The following ZNF713 variants were observed in gnomAD, a reference collection of about 807,000 sequenced individuals.
ZNF713 encodes the protein zinc finger protein 713.
A neutral mutation model predicts 28.7 loss-of-function variants in ZNF713; 21 were observed. The ratio of observed to expected loss-of-function variants is 0.73; its 90% confidence interval spans 0.52 to 1.05. ZNF713 has a LOEUF of 1.05. Among genes scored for constraint, ZNF713 ranks in the 50% least tolerant of loss-of-function variants. The pLI, the probability that ZNF713 is intolerant of heterozygous loss-of-function variation, is 0.00. For missense variants in ZNF713, 458 were observed against 532.4 expected (o/e 0.86, Z 1.37); for synonymous variants, 167 against 178.0 (o/e 0.94, Z 0.49).
intron 6 of ZNF713, among the ~76,000 whole-genome samples, chr7:55,932,243 T>C (rs1356955500): frequency 1.3e-5 from 2 of 152,080 alleles, no homozygotes. Context: ...TCTTAAAAAT[T>C]TGTGGCCAGG....
intron 4 of ZNF713, among the ~76,000 whole-genome samples, chr7:55,919,490 G>GTTCTTTTTTTTTCTTTTT (rs1785945208): frequency 1.5e-5 from 1 of 66,760 alleles, no homozygotes; most frequent in Non-Finnish European, 3.1e-5. Flanking sequence ...AAACACTCCA[G>GTTCTTTTTTTTTCTTTTT]TTTTTTTTTT....
intron 1 of ZNF713, 123 bp downstream of exon 1, chr7:55,887,803 G>C (rs1234556363): frequency 0.64 from 4,696 of 7,388 alleles, 1,567 homozygotes; most frequent in Non-Finnish European, 0.69. Flanking sequence ...GCGGAGGCGG[G>C]GGGCGGCGGG....
At chr7:55,907,768 T>C (rs1785708422) in intron 2 of ZNF713, among the ~76,000 whole-genome samples, 1 of 152,204 alleles carries the variant, frequency 6.6e-6, no homozygotes, top group Non-Finnish European at 1.5e-5. Context: ...GCTCCATCCA[T>C]GTTGCTGCAA....
At chr7:55,912,442 C>G (rs1785801032) in intron 3 of ZNF713, among the ~76,000 whole-genome samples, 193 bp from the exon 4 acceptor site, 1 of 152,166 alleles carries the variant, frequency 6.6e-6, no homozygotes, top group African/African-American at 2.4e-5. Flanking sequence ...AGTTGCACCC[C>G]CGAAGACAGA....
rs1427625353 is a variant in ZNF713 at position 55,887,650 on chromosome 7, G to C, written c.-613G>C. 5.8e-6 allele frequency: 1 copy of C among 173,352 alleles called. No individual in the cohort carries two copies. The highest frequency in any genetic ancestry group is 1.1e-5 in the Non-Finnish European group (1 of 87,898). 10.7% of individuals were successfully genotyped at this position (173,352 alleles called of 1,614,324 possible). On this transcript the variant is annotated 5_prime_UTR_variant, in exon 1 of 7. Transcript: ENST00000429591. ...GCGGCGGCGGCGGCGTCAGGGGGCGGAGCCTGCCGAAGCGCCCTTTGTCTG... is the reference window on the plus strand; with the variant it reads ...GCGGCGGCGGCGGCGTCAGGGGGCGCAGCCTGCCGAAGCGCCCTTTGTCTG...
At chr7:55,919,950 G>A (rs1164438367) in intron 4 of ZNF713, among the ~76,000 whole-genome samples, 1 of 152,048 alleles carries the variant, frequency 6.6e-6, no homozygotes, top group East Asian at 1.9e-4. Flanking sequence ...GCTATGAACA[G>A]CACTCATGTA....
At chr7:55,921,390 C>T (rs562194327) in intron 4 of ZNF713, among the ~76,000 whole-genome samples, 1 of 152,272 alleles carries the variant, frequency 6.6e-6, no homozygotes, top group South Asian at 2.1e-4. Context: ...GCTCTAGCTG[C>T]CGTAGATAGT....
At chr7:55,910,954 C>T (rs1454874825) in intron 2 of ZNF713, among the ~76,000 whole-genome samples, 1 of 152,220 alleles carries the variant, frequency 6.6e-6, no homozygotes, top group Non-Finnish European at 1.5e-5. Flanking sequence ...GGGAAAAACC[C>T]GTCTGCTTCT....
intron 6 of ZNF713, among the ~76,000 whole-genome samples, chr7:55,930,904 C>T (rs1786197124): frequency 6.6e-6 from 1 of 152,098 alleles, no homozygotes; most frequent in South Asian, 2.1e-4. Context: ...GTCAACCTTG[C>T]CAAAGCAATA....
At chr7:55,914,026 A>AC (rs1489563521) in intron 4 of ZNF713, among the ~76,000 whole-genome samples, 2 of 151,224 alleles carry the variant, frequency 1.3e-5, no homozygotes, top group African/African-American at 4.9e-5. Flanking sequence ...CAGGAGAACC[A>AC]CTTGAACCTG....
At position 55,892,555 on chromosome 7, in the gene ZNF713, C is replaced by CG. The variant is rs574054003; in HGVS notation, c.-583+4875_-583+4876insG. Among the ~76,000 whole-genome samples the CG allele has an allele frequency of 5.0e-4, 37 of 74,362 alleles. 1 individual carries two copies. Among genetic ancestry groups the CG allele is most frequent in the Non-Finnish European group, 8.1e-4 (35 of 43,414 alleles). The allele number at this position is 74,362 out of a possible 152,430, so 48.8% of individuals were successfully genotyped here. A position where few individuals can be genotyped will look rare whatever the true frequency, so the allele number is the denominator to read the frequency against. On this transcript the variant is annotated intron_variant, in intron 1 of 6. Transcript: ENST00000429591. ...TGAAGGTTTGCTGAAAAGCACTGACCAAAAAAAAAAAAAAAAAAAAAAACA... is the reference window on the plus strand; with the variant it reads ...TGAAGGTTTGCTGAAAAGCACTGACCGAAAAAAAAAAAAAAAAAAAAAAACA...
At chr7:55,897,760 A>G (rs963175740) in intron 1 of ZNF713, among the ~76,000 whole-genome samples, 6 of 152,340 alleles carry the variant, frequency 3.9e-5, no homozygotes, top group Middle Eastern at 3.4e-3. Context: ...ATTACCATTA[A>G]TGAGACATAT....
In ZNF713 at chr7:55,912,718, T is replaced by A; in HGVS notation, c.82T>A (p.Ser28Thr). Residue 28 changes from serine (S) to threonine (T), a missense_variant, in exon 4 of 7, where the codon TCT becomes ACT. Coordinates refer to ENST00000429591, the MANE Select transcript of ZNF713 (RefSeq NM_182633.3). The stretch of plus-strand genomic sequence containing the variant: ...GAATGATGGCTCACAGATGGTGAGA[T>A]CTCAGGTAAGTTCAGTTTTCCTCTC... ...EMNDGSQMVR[S>T]QESLTFQDVA... The A allele has an allele frequency of 6.2e-7, 1 of 1,612,934 alleles. No individual in the cohort carries two copies. The highest frequency in any genetic ancestry group is 2.2e-5 in the East Asian group (1 of 44,878).
At chr7:55,908,244 G>A (rs1184778733) in intron 2 of ZNF713, among the ~76,000 whole-genome samples, 1 of 147,228 alleles carries the variant, frequency 6.8e-6, no homozygotes, top group Non-Finnish European at 1.5e-5. Context: ...CCAGGCTTAA[G>A]CGATTCTCCT....
chr7:55,902,878 A>G (rs1456165077), intron 1 of ZNF713, among the ~76,000 whole-genome samples: 2 of 151,596 alleles, frequency 1.3e-5, no homozygotes, highest in Non-Finnish European at 2.9e-5. Flanking sequence ...CTATAATCCC[A>G]GCTACTTGGA....
chr7:55,926,172 T>C (rs1786091100), intron 6 of ZNF713, among the ~76,000 whole-genome samples: 1 of 152,080 alleles, frequency 6.6e-6, no homozygotes, highest in African/African-American at 2.4e-5. Context: ...TAGCCAGGCA[T>C]GGTGGCGGAT....
intron 4 of ZNF713, among the ~76,000 whole-genome samples, chr7:55,914,345 G>A (rs545526585): frequency 6.6e-6 from 1 of 152,136 alleles, no homozygotes; most frequent in Admixed American, 6.6e-5. Flanking sequence ...ACTCATTGAA[G>A]GGGATTTTTT....
In ZNF713 at chr7:55,906,305, G is replaced by C. The variant is rs1390757388; in HGVS notation, c.-530G>C. 6.6e-6 allele frequency: 1 copy of C among 152,118 alleles called. No homozygotes were observed. The highest frequency in any genetic ancestry group is 1.5e-5 in the Non-Finnish European group (1 of 68,046). The allele number at this position is 152,118 out of a possible 1,614,324, so 9.4% of individuals were successfully genotyped here. A position where few individuals can be genotyped will look rare whatever the true frequency, so the allele number is the denominator to read the frequency against. On this transcript the variant is annotated 5_prime_UTR_variant, in exon 2 of 7. Transcript: ENST00000429591. ...GATTGAGTGACTCTCACTCACCACTGGTGTTGCTCTTTGAAAGTGGCGCTT... is the reference window on the plus strand; with the variant it reads ...GATTGAGTGACTCTCACTCACCACTCGTGTTGCTCTTTGAAAGTGGCGCTT...
At chr7:55,899,625 T>C (rs1292397947) in intron 1 of ZNF713, among the ~76,000 whole-genome samples, 1 of 151,182 alleles carries the variant, frequency 6.6e-6, no homozygotes, top group Non-Finnish European at 1.5e-5. Context: ...TGAGCTGAGA[T>C]GGCACCACTG....
Sources: allele counts gnomAD v4.1 joint callset (sites outside exome capture counted in the v4.1 genomes callset), GRCh38; gene constraint gnomAD v4.1.1; transcripts MANE v1.5; gene names NCBI Gene and HGNC (gene_info 2026-07-23, HGNC 2026-07-21).